Variants in FARS2 observed in about 807,000 individuals in gnomAD.
The protein encoded by FARS2 is phenylalanyl-tRNA synthetase 2, mitochondrial.
In FARS2, 40 loss-of-function variants were observed where a neutral mutation model predicts 46.4. That is an observed-to-expected ratio of 0.86 (90% confidence interval 0.67 to 1.12). The LOEUF is 1.12. Ranked by LOEUF, FARS2 falls within the 50% of genes most tolerant of loss-of-function variation. The probability of loss-of-function intolerance (pLI) is 0.00; values close to 1 mark genes in which losing one functional copy is unlikely to be tolerated. For missense variants in FARS2, 513 were observed against 567.9 expected (o/e 0.90, Z 0.98); for synonymous variants, 234 against 214.9 (o/e 1.09, Z -0.78).
intron 1 of FARS2, among the ~76,000 whole-genome samples, chr6:5,285,380 C>T (rs1767035641): frequency 6.6e-6 from 1 of 152,092 alleles, no homozygotes; most frequent in African/African-American, 2.4e-5. Flanking sequence ...GAGGCCTGTG[C>T]TGAGAAGAGT....
chr6:5,262,627 C>T (rs950840050), intron 1 of FARS2, among the ~76,000 whole-genome samples: 2 of 152,128 alleles, frequency 1.3e-5, no homozygotes, highest in African/African-American at 2.4e-5. Context: ...TCTGACCTTA[C>T]CATTCTTTAG....
At chr6:5,593,299 C>T (rs1269091968) in intron 5 of FARS2, among the ~76,000 whole-genome samples, 1 of 146,658 alleles carries the variant, frequency 6.8e-6, no homozygotes, top group Non-Finnish European at 1.5e-5. Flanking sequence ...ACCTCCCGCC[C>T]CCACCGGCCT....
chr6:5,265,887 C>T (rs1765519209), intron 1 of FARS2, among the ~76,000 whole-genome samples: 1 of 152,110 alleles, frequency 6.6e-6, no homozygotes, highest in Admixed American at 6.5e-5. Flanking sequence ...ACACCTCAGA[C>T]CAACAGCAGT....
At chr6:5,545,439 A>T in intron 5 of FARS2, 99 bp downstream of exon 5, 3 of 866,916 alleles carry the variant, frequency 3.5e-6, no homozygotes, top group Non-Finnish European at 5.0e-6. Flanking sequence ...TATTTTATTT[A>T]TTTTATTTTA....
chr6:5,620,110 T>C (rs1026815240), intron 6 of FARS2, among the ~76,000 whole-genome samples: 2 of 152,004 alleles, frequency 1.3e-5, no homozygotes, highest in African/African-American at 4.8e-5. Context: ...ATTTTGGGCC[T>C]GGTAACTCTT....
intron 6 of FARS2, among the ~76,000 whole-genome samples, chr6:5,705,394 A>G (rs770201936): frequency 6.6e-6 from 1 of 152,096 alleles, no homozygotes; most frequent in Non-Finnish European, 1.5e-5. Flanking sequence ...TGCATGCGCC[A>G]TGAAGAGCGA....
intron 6 of FARS2, among the ~76,000 whole-genome samples, chr6:5,728,090 TGC>T (rs1760380049): frequency 6.6e-6 from 1 of 152,244 alleles, no homozygotes; most frequent in Admixed American, 6.5e-5. Flanking sequence ...CGAGAACATT[TGC>T]AAATTGGTCA....
At chr6:5,370,230 G>A (rs965994936) in intron 2 of FARS2, among the ~76,000 whole-genome samples, 4 of 152,102 alleles carry the variant, frequency 2.6e-5, no homozygotes, top group African/African-American at 4.8e-5. Flanking sequence ...TAACTGAACA[G>A]GACTGCCCTC....
At chr6:5,251,809 C>T in the FARS2 span, among the ~76,000 whole-genome samples, 1 of 152,164 alleles carries the variant, frequency 6.6e-6, no homozygotes, top group Non-Finnish European at 1.5e-5. Context: ...GTTAAAAGAT[C>T]CGCAACAAGG....
intron 3 of FARS2, among the ~76,000 whole-genome samples, chr6:5,421,292 G>A (rs1762533612): frequency 6.6e-6 from 1 of 152,174 alleles, no homozygotes; most frequent in Non-Finnish European, 1.5e-5. Flanking sequence ...AAGTCCCTAG[G>A]CTGCACACAG....
At chr6:5,372,081 T>C (rs2127651108) in intron 2 of FARS2, among the ~76,000 whole-genome samples, 1 of 152,224 alleles carries the variant, frequency 6.6e-6, no homozygotes, top group East Asian at 1.9e-4. Context: ...AGAGGGGTAG[T>C]TCCTCAATCA....
intron 5 of FARS2, chr6:5,609,324 T>C (rs531657873): frequency 9.2e-5 from 106 of 1,152,768 alleles, no homozygotes; most frequent in South Asian, 4.0e-4. Flanking sequence ...TCTACCACCA[T>C]AGGGACCAGA....
intron 6 of FARS2, among the ~76,000 whole-genome samples, chr6:5,746,261 C>T (rs546570753): frequency 8.1e-4 from 124 of 152,234 alleles, no homozygotes; most frequent in Non-Finnish European, 1.4e-3. Flanking sequence ...GACAGTGACA[C>T]GATGGCCACG....
intron 1 of FARS2, chr6:5,272,299 A>G (rs1220939144): frequency 2.0e-5 from 3 of 149,464 alleles, no homozygotes; most frequent in African/African-American, 5.1e-5. Context: ...TTATTACGGT[A>G]GGTATATTGT....
chr6:5,465,436 T>C (rs200207), intron 4 of FARS2, among the ~76,000 whole-genome samples: 134,296 of 152,284 alleles, frequency 0.88, 59,595 homozygotes, highest in East Asian at 1. Context: ...CTAGTCTTAC[T>C]TGCGTATTAT....
At chr6:5,281,905 C>T (rs575269478) in intron 1 of FARS2, among the ~76,000 whole-genome samples, 18 of 152,158 alleles carry the variant, frequency 1.2e-4, no homozygotes, top group Non-Finnish European at 2.1e-4. Context: ...TCATTTCTCT[C>T]ATTTAAGAAA....
intron 1 of FARS2, among the ~76,000 whole-genome samples, chr6:5,352,385 A>G (rs569426784): frequency 1.3e-5 from 2 of 151,540 alleles, no homozygotes; most frequent in African/African-American, 2.4e-5. Flanking sequence ...CTTAAACTCT[A>G]ACTTGAAGTA....
intron 5 of FARS2, among the ~76,000 whole-genome samples, chr6:5,569,874 A>T (rs540674750): frequency 4.0e-4 from 61 of 152,278 alleles, no homozygotes; most frequent in African/African-American, 1.5e-3. Flanking sequence ...AACAGGTAAG[A>T]TAAAGGAAAG....
At chr6:5,733,483 A>G (rs576971509) in intron 6 of FARS2, among the ~76,000 whole-genome samples, 12 of 152,268 alleles carry the variant, frequency 7.9e-5, no homozygotes, top group African/African-American at 2.4e-4. Flanking sequence ...ATTTTTTTCC[A>G]TCCTAACCAT....
Sources: allele counts gnomAD v4.1 joint callset (sites outside exome capture counted in the v4.1 genomes callset), GRCh38; gene constraint gnomAD v4.1.1; transcripts MANE v1.5; gene names NCBI Gene and HGNC (gene_info 2026-07-23, HGNC 2026-07-21).